The following CPNE4 variants were observed in gnomAD, a reference collection of about 807,000 sequenced individuals.
CPNE4 encodes the protein copine 4, also known as copine-4.
In CPNE4, 25 loss-of-function variants were observed where a neutral mutation model predicts 67.9. The observed-to-expected ratio is 0.37, with a 90% CI of 0.27 to 0.51. The LOEUF (loss-of-function observed/expected upper bound fraction) is 0.51, where lower values mean the gene tolerates loss of function less well. Among genes scored for constraint, CPNE4 ranks in the 20% least tolerant of loss-of-function variants. CPNE4 has a pLI of 0.93. For missense variants in CPNE4, 464 were observed against 690.8 expected (o/e 0.67, Z 3.68); for synonymous variants, 242 against 244.9 (o/e 0.99, Z 0.11).
intron 1 of CPNE4, among the ~76,000 whole-genome samples, chr3:131,982,571 A>G (rs1304061297): frequency 6.6e-6 from 1 of 152,200 alleles, no homozygotes; most frequent in African/African-American, 2.4e-5. Flanking sequence ...TTTACGGTTA[A>G]TGGAAGGTCA....
At chr3:131,801,391 C>T (rs1198775457) in intron 2 of CPNE4, among the ~76,000 whole-genome samples, 4 of 84,138 alleles carry the variant, frequency 4.8e-5, no homozygotes, top group East Asian at 3.2e-4. Context: ...ATATATGGTA[C>T]ATATATATAT....
At chr3:131,663,783 T>C (rs11924321) in intron 7 of CPNE4, among the ~76,000 whole-genome samples, 52,930 of 151,958 alleles carry the variant, frequency 0.35, 9,730 homozygotes, top group African/African-American at 0.45. Flanking sequence ...TGAAATGTCA[T>C]TCAGGGGTTG....
chr3:131,787,537 C>A (rs544122653), intron 2 of CPNE4, among the ~76,000 whole-genome samples: 1 of 152,254 alleles, frequency 6.6e-6, no homozygotes, highest in East Asian at 1.9e-4. Flanking sequence ...GCAACCAAGG[C>A]AGACCCTGAT....
intron 1 of CPNE4, among the ~76,000 whole-genome samples, chr3:131,959,930 A>G (rs1196177510): frequency 1.3e-5 from 2 of 152,212 alleles, no homozygotes; most frequent in East Asian, 1.9e-4. Flanking sequence ...TCATCTGAAT[A>G]CTAAAACGCT....
intron 2 of CPNE4, among the ~76,000 whole-genome samples, chr3:131,761,905 A>G (rs1048411154): frequency 6.6e-6 from 1 of 152,126 alleles, no homozygotes; most frequent in Admixed American, 6.6e-5. Flanking sequence ...TTAATGCTCA[A>G]ATGAACAATC....
chr3:131,973,240 CAA>C (rs990775329), intron 1 of CPNE4, among the ~76,000 whole-genome samples: 4 of 152,078 alleles, frequency 2.6e-5, no homozygotes, highest in African/African-American at 9.7e-5. Flanking sequence ...CAGCTGTGTT[CAA>C]AAAGATTTTT....
chr3:131,738,053 CAT>C lies in CPNE4; in HGVS notation c.181-14430_181-14429del, dbSNP rs375843372. 1.8e-3 allele frequency among the ~76,000 whole-genome samples: 275 copies of C among 152,276 alleles called. 1 individual carries two copies. The highest frequency in any genetic ancestry group is 6.2e-3 in the African/African-American group (257 of 41,538). On this transcript the variant is annotated intron_variant, in intron 2 of 15. Transcript: ENST00000429747. ...AGATACATCTCCATCCATCCTAATG[CAT>C]AGAGTCCAGTTTATAATAGATGTGT...
chr3:131,946,113 C>G (rs946615624), intron 1 of CPNE4, among the ~76,000 whole-genome samples: 1 of 152,184 alleles, frequency 6.6e-6, no homozygotes, highest in African/African-American at 2.4e-5. Context: ...CCACCTCTAT[C>G]TAGTTCCAAA....
intron 7 of CPNE4, among the ~76,000 whole-genome samples, chr3:131,641,940 T>C (rs1409313837): frequency 6.6e-6 from 1 of 152,150 alleles, no homozygotes; most frequent in Non-Finnish European, 1.5e-5. Flanking sequence ...CTCATTCATA[T>C]GTGGGAGCTA....
chr3:131,981,912 C>A (rs185582661), intron 1 of CPNE4, among the ~76,000 whole-genome samples: 3 of 152,302 alleles, frequency 2.0e-5, no homozygotes, highest in Non-Finnish European at 4.4e-5. Context: ...ACTTGGATCA[C>A]TCACAGTTTT....
chr3:131,656,696 G>C (rs1357066502), intron 7 of CPNE4, among the ~76,000 whole-genome samples: 2 of 152,202 alleles, frequency 1.3e-5, no homozygotes, highest in Non-Finnish European at 2.9e-5. Context: ...TTATATTTCA[G>C]TAGAGGACTC....
At position 131,868,847 on chromosome 3, in the gene CPNE4, C is replaced by T. The variant is rs931662044; in HGVS notation, c.180+36417G>A. On this transcript the variant is annotated intron_variant, in intron 2 of 15. Transcript: ENST00000429747. ...TTGTCCTCCACATAGAAAAACATTC[C>T]TATGACAAATTAGAGTGAACGACCG... Among the ~76,000 whole-genome samples the T allele has an allele frequency of 3.3e-5, 5 of 152,076 alleles. No homozygotes were observed. The South Asian group carries it at 1.0e-3, about 32-fold the overall frequency.
intron 1 of CPNE4, among the ~76,000 whole-genome samples, chr3:132,018,390 TGAG>T (rs1304124853): frequency 6.6e-6 from 1 of 152,190 alleles, no homozygotes; most frequent in African/African-American, 2.4e-5. Flanking sequence ...CCTGTACTCC[TGAG>T]GAGAAGCAAA....
chr3:131,971,604 C>T (rs1009071321), intron 1 of CPNE4, among the ~76,000 whole-genome samples: 1 of 152,174 alleles, frequency 6.6e-6, no homozygotes, highest in Non-Finnish European at 1.5e-5. Context: ...CTTTACTGTG[C>T]TCAATATTTT....
At chr3:131,735,508 A>T (rs1226302342) in intron 2 of CPNE4, among the ~76,000 whole-genome samples, 1 of 152,246 alleles carries the variant, frequency 6.6e-6, no homozygotes, top group Non-Finnish European at 1.5e-5. Flanking sequence ...AACAATGTTA[A>T]AGAGTCTTAA....
At chr3:131,811,024 G>A (rs955312890) in intron 2 of CPNE4, among the ~76,000 whole-genome samples, 6 of 152,000 alleles carry the variant, frequency 3.9e-5, no homozygotes. Context: ...ACCAGGAAAG[G>A]AGAAAATGGA....
At chr3:131,652,710 C>T (rs112133301) in intron 7 of CPNE4, among the ~76,000 whole-genome samples, 159 of 152,252 alleles carry the variant, frequency 1.0e-3, no homozygotes, top group African/African-American at 3.6e-3. Flanking sequence ...CATGTACACA[C>T]GCACACTTGC....
At chr3:131,632,653 A>G (rs1278387342) in intron 7 of CPNE4, among the ~76,000 whole-genome samples, 3 of 152,142 alleles carry the variant, frequency 2.0e-5, no homozygotes, top group Non-Finnish European at 4.4e-5. Flanking sequence ...CCCCAGTATT[A>G]CTAGACACAC....
chr3:131,993,477 A>AAAAAAAAAAG lies in CPNE4; in HGVS notation c.-2+41089_-2+41090insCTTTTTTTTT, dbSNP rs2073218855. On this transcript the variant is annotated intron_variant, in intron 1 of 15. Transcript: ENST00000429747. Reference sequence around the variant, plus strand: ...GATTTCGTGTGCAGGAGTGGCAAAAAAAAAAAAAAAAAGCATAGCTTTAGA... The same window carrying AAAAAAAAAAG: ...GATTTCGTGTGCAGGAGTGGCAAAAAAAAAAAAAAGAAAAAAAAAAAAGCATAGCTTTAGA... 7.7e-5 allele frequency among the ~76,000 whole-genome samples: 10 copies of AAAAAAAAAAG among 129,428 alleles called. 3 individuals are homozygous for AAAAAAAAAAG. The South Asian group carries it at 2.2e-3, about 28-fold the overall frequency. 84.9% of individuals were successfully genotyped at this position (129,428 alleles called of 152,430 possible).
Sources: gnomAD v4.1 joint callset for allele counts (sites outside exome capture counted in the v4.1 genomes callset) on GRCh38, gnomAD v4.1.1 for gene constraint, MANE v1.5 for transcripts, NCBI Gene and HGNC (gene_info 2026-07-23, HGNC 2026-07-21) for gene names.